Variants in ZNF324B observed in about 807,000 individuals in gnomAD.
The protein encoded by ZNF324B is zinc finger protein 324B.
In ZNF324B, 7 loss-of-function variants were observed where a neutral mutation model predicts 10.6. The ratio of observed to expected loss-of-function variants is 0.66; its 90% CI spans 0.38 to 1.24. The LOEUF (loss-of-function observed/expected upper bound fraction) is 1.24, where lower values mean the gene tolerates loss of function less well. Among genes scored for constraint, ZNF324B ranks in the 50% most tolerant of loss-of-function variants. The pLI, the probability that ZNF324B is intolerant of heterozygous loss-of-function variation, is 0.02. For synonymous variants in ZNF324B, 316 were observed against 321.0 expected (o/e 0.98, Z 0.17); for missense variants, 640 against 764.7 (o/e 0.84, Z 1.92).
chr19:58,453,566 G>C (rs1194242410), intron 1 of ZNF324B, 130 bp from the exon 2 acceptor site: 2 of 1,294,306 alleles, frequency 1.5e-6, no homozygotes, highest in Admixed American at 3.5e-5. Flanking sequence ...AGTGCCACCT[G>C]AAGATAATCT....
At chr19:58,428,566 T>A in the ZNF324B span, 2 of 152,214 alleles carry the variant, frequency 1.3e-5, no homozygotes, top group Admixed American at 6.5e-5. Flanking sequence ...AGACCATGAT[T>A]TCTGTCTTCT....
the ZNF324B span, among the ~76,000 whole-genome samples, chr19:58,431,551 G>A: frequency 2.0e-5 from 3 of 152,256 alleles, no homozygotes; most frequent in African/African-American, 7.2e-5. Context: ...GTGCACCACT[G>A]CACCTGGCCA....
chr19:58,457,799 G>C lies in ZNF324B; in HGVS notation c.*1220G>C, dbSNP rs946093860. ...TTTCAATGGAGAAAAAAAAAGACTAGTATTTGCAACTTCAAATAGATGTAG... is the reference window on the plus strand; with the variant it reads ...TTTCAATGGAGAAAAAAAAAGACTACTATTTGCAACTTCAAATAGATGTAG... On this transcript the variant is annotated 3_prime_UTR_variant, in exon 4 of 4. Coordinates refer to ENST00000336614, the MANE Select transcript of ZNF324B (RefSeq NM_207395.3). The C allele has an allele frequency of 6.6e-6, 1 of 152,214 alleles. No individual in the cohort carries two copies. The highest frequency in any genetic ancestry group is 1.5e-5 in the Non-Finnish European group (1 of 68,040). 9.4% of individuals were successfully genotyped at this position (152,214 alleles called of 1,614,324 possible). A position where few individuals can be genotyped will look rare whatever the true frequency, so the allele number is the denominator to read the frequency against.
intron 3 of ZNF324B, 36 bp downstream of exon 3, chr19:58,454,380 A>G: frequency 7.2e-7 from 1 of 1,380,236 alleles, no homozygotes; most frequent in South Asian, 1.2e-5. Context: ...ACTAAGGACC[A>G]ACCTGTGGCC....
chr19:58,424,195 G>A, the ZNF324B span, among the ~76,000 whole-genome samples: 1 of 152,146 alleles, frequency 6.6e-6, no homozygotes, highest in Non-Finnish European at 1.5e-5. Flanking sequence ...GTTGCAGTGA[G>A]CTGAGATCGC....
At chr19:58,436,902 C>A in the ZNF324B span, 884 of 1,087,340 alleles carry the variant, frequency 8.1e-4, 6 homozygotes, top group Middle Eastern at 0.022. Flanking sequence ...GTACACACAG[C>A]AGAACCTCAG....
the ZNF324B span, chr19:58,435,389 G>T: frequency 2.9e-6 from 2 of 690,772 alleles, no homozygotes; most frequent in African/African-American, 1.8e-5. Context: ...ATAGGGACCA[G>T]CCAAGCAACA....
At chr19:58,445,352 G>C in the ZNF324B span, 1 of 509,048 alleles carries the variant, frequency 2.0e-6, no homozygotes, top group Non-Finnish European at 3.9e-6. Flanking sequence ...CTCCTGCCTT[G>C]ATGTGCACAA....
chr19:58,445,587 A>T, the ZNF324B span: 1 of 465,674 alleles, frequency 2.1e-6, no homozygotes, highest in East Asian at 6.0e-5. Context: ...AGGCTAAGGC[A>T]GGGGGATCAC....
At chr19:58,438,697 TCTC>T in the ZNF324B span, among the ~76,000 whole-genome samples, 10 of 151,560 alleles carry the variant, frequency 6.6e-5, no homozygotes, top group African/African-American at 1.7e-4. Flanking sequence ...ATGGTCTCAA[TCTC>T]CTGACCTAGT....
chr19:58,427,496 T>TCC, the ZNF324B span, among the ~76,000 whole-genome samples: 399 of 99,736 alleles, frequency 4.0e-3, 5 homozygotes, highest in Middle Eastern at 7.5e-3. Flanking sequence ...CTTCCTTCCT[T>TCC]TCTTTCTTTT....
At chr19:58,427,354 CTTTCTTTCTTTCTTTCTTTCTTTCTTT>C in the ZNF324B span, among the ~76,000 whole-genome samples, 16 of 51,178 alleles carry the variant, frequency 3.1e-4, no homozygotes, top group African/African-American at 7.1e-4. Flanking sequence ...TCTTTCCTTT[CTTTCTTTCTTTCTTTCTTTCTTTCTTT>C]CTTTCTTTCT....
chr19:58,450,533 A>C (rs1397834773), upstream of ZNF324B, among the ~76,000 whole-genome samples: 2 of 152,214 alleles, frequency 1.3e-5, no homozygotes, highest in Non-Finnish European at 2.9e-5. Context: ...CATTTGATTA[A>C]ATCACAATAG....
At chr19:58,427,123 T>C in the ZNF324B span, among the ~76,000 whole-genome samples, 1 of 150,454 alleles carries the variant, frequency 6.6e-6, no homozygotes, top group African/African-American at 2.5e-5. Flanking sequence ...TTTCCTTTTT[T>C]ATTTTTATTT....
the ZNF324B span, among the ~76,000 whole-genome samples, chr19:58,425,546 T>C: frequency 2.0e-5 from 3 of 151,344 alleles, no homozygotes; most frequent in Non-Finnish European, 2.9e-5. Context: ...TCTTGGCTCA[T>C]TGCAACCTCT....
the ZNF324B span, chr19:58,431,160 TTGG>T: frequency 6.6e-6 from 1 of 152,210 alleles, no homozygotes; most frequent in African/African-American, 2.4e-5. Flanking sequence ...TGGTCTACTG[TTGG>T]TGAAGGTTTG....
the ZNF324B span, among the ~76,000 whole-genome samples, chr19:58,431,541 G>A: frequency 2.0e-5 from 3 of 152,132 alleles, no homozygotes; most frequent in Non-Finnish European, 4.4e-5. Context: ...GACTATAGGT[G>A]TGCACCACTG....
the ZNF324B span, chr19:58,428,720 T>C: frequency 6.6e-6 from 1 of 152,226 alleles, no homozygotes; most frequent in Non-Finnish European, 1.5e-5. Flanking sequence ...TGTACACCCT[T>C]ATCTCACTTG....
At chr19:58,443,199 T>C in the ZNF324B span, 16 of 152,348 alleles carry the variant, frequency 1.1e-4, no homozygotes, top group African/African-American at 1.7e-4. Context: ...AGAGCGCTGA[T>C]TGGTGCGTTT....
Sources: gnomAD v4.1 joint callset for allele counts (sites outside exome capture counted in the v4.1 genomes callset) on GRCh38, gnomAD v4.1.1 for gene constraint, MANE v1.5 for transcripts, NCBI Gene and HGNC (gene_info 2026-07-23, HGNC 2026-07-21) for gene names.